CCDC15: variants seen among roughly 807,000 people sequenced by gnomAD.
CCDC15 encodes coiled-coil domain-containing protein 15.
CCDC15 carries 105 observed loss-of-function variants against 114.5 expected under a neutral mutation model. That is an observed-to-expected ratio of 0.92 (90% CI 0.78 to 1.08). The LOEUF is 1.08. Among genes scored for constraint, CCDC15 ranks in the 50% least tolerant of loss-of-function variants. The probability of loss-of-function intolerance (pLI) is 0.00; values close to 1 mark genes in which losing one functional copy is unlikely to be tolerated. For missense variants in CCDC15, 1,105 were observed against 1,093.6 expected (o/e 1.01, Z -0.15); for synonymous variants, 334 against 377.8 (o/e 0.88, Z 1.34).
intron 11 of CCDC15, among the ~76,000 whole-genome samples, chr11:124,996,796 T>G (rs1948379622): frequency 6.6e-6 from 1 of 152,258 alleles, no homozygotes; most frequent in Non-Finnish European, 1.5e-5. Context: ...AGTGAAATCA[T>G]ACAGTATTTG....
chr11:124,964,894 A>G (rs1329094717), intron 4 of CCDC15, among the ~76,000 whole-genome samples: 1 of 152,140 alleles, frequency 6.6e-6, no homozygotes, highest in Non-Finnish European at 1.5e-5. Context: ...ATCTATTGAG[A>G]TAATCATGTG....
chr11:125,016,681 G>A (rs990456425), intron 13 of CCDC15, among the ~76,000 whole-genome samples: 1 of 152,142 alleles, frequency 6.6e-6, no homozygotes, highest in East Asian at 1.9e-4. Context: ...AGGCTAGCAG[G>A]TAAAAGTCAA....
At chr11:124,993,039 C>G (rs1033797966) in intron 10 of CCDC15, 130 bp from the exon 11 acceptor site, 52 of 564,082 alleles carry the variant, frequency 9.2e-5, no homozygotes, top group African/African-American at 8.3e-4. Context: ...AACACACACA[C>G]AGCTTTAACT....
At chr11:124,995,455 A>G (rs771729373) in intron 11 of CCDC15, among the ~76,000 whole-genome samples, 10 of 152,208 alleles carry the variant, frequency 6.6e-5, no homozygotes, top group Admixed American at 1.3e-4. Flanking sequence ...CCATTGTATG[A>G]ACAGCACTTG....
rs144075171 is a variant in CCDC15 at position 124,970,961 on chromosome 11, ATT to A, written c.517-4128_517-4127del. On this transcript the variant is annotated intron_variant, in intron 4 of 15. Coordinates refer to ENST00000344762, the MANE Select transcript of CCDC15 (RefSeq NM_025004.3). Reference sequence around the variant, plus strand: ...TTATGTTTCTGTGTGCAAAATAGACATTTTTTTTGGTGTGCAGAAGACATTGC... The same window carrying A: ...TTATGTTTCTGTGTGCAAAATAGACATTTTTTGGTGTGCAGAAGACATTGC... Among the ~76,000 whole-genome samples, 688 of 152,054 alleles carry A rather than the reference ATT, an allele frequency of 4.5e-3. 5 individuals are homozygous for A. The highest frequency in any genetic ancestry group is 0.016 in the African/African-American group (654 of 41,500).
Position 124,954,713 on chromosome 11 carries a change from C to T in CCDC15, c.-9-11C>T, listed in dbSNP as rs1947516652. 2.5e-6 allele frequency: 4 copies of T among 1,611,878 alleles called. No homozygotes were observed. Among genetic ancestry groups the T allele is most frequent in the Non-Finnish European group, 3.4e-6 (4 of 1,178,632 alleles). On this transcript the variant is annotated splice_polypyrimidine_tract_variant and intron_variant, in intron 1 of 15. Transcript: ENST00000344762. ...TTTGAAGATTTTAAGCTTTTTCTTT[C>T]TCCTAATCAGGAGTCACAGATGCTG...
intron 11 of CCDC15, among the ~76,000 whole-genome samples, chr11:124,995,836 CTTTT>C (rs879919474): frequency 6.9e-6 from 1 of 144,492 alleles, no homozygotes; most frequent in Non-Finnish European, 1.5e-5. Flanking sequence ...GCCTTTTCTC[CTTTT>C]TTTTTTTTGA....
At position 124,993,188 on chromosome 11, in the gene CCDC15, C is replaced by A; in HGVS notation, c.2159C>A (p.Pro720His). 3.1e-6 allele frequency: 5 copies of A among 1,605,990 alleles called. No individual in the cohort carries two copies. The highest frequency in any genetic ancestry group is 3.4e-6 in the Non-Finnish European group (4 of 1,174,676). ...PREQNKHIKL[P>H]SSFEKWEIAR... ...CTTTAGAACAAGCATATCAAACTACCCTCATCTTTTGAGAAATGGGAGATT... is the reference window on the plus strand; with the variant it reads ...CTTTAGAACAAGCATATCAAACTACACTCATCTTTTGAGAAATGGGAGATT... Residue 720 changes from proline (P) to histidine (H), a missense_variant, in exon 11 of 16, where the codon CCC becomes CAC. Coordinates refer to ENST00000344762, the MANE Select transcript of CCDC15 (RefSeq NM_025004.3).
Position 125,000,847 on chromosome 11 carries a change from A to G in CCDC15, c.2215-3020A>G, listed in dbSNP as rs182986900. 3.3e-5 allele frequency among the ~76,000 whole-genome samples: 5 copies of G among 152,316 alleles called. 1 individual carries two copies. Among genetic ancestry groups the G allele is most frequent in the Admixed American group, 2.0e-4 (3 of 15,298 alleles). ...CAGGAAATACTGAATTTTTGCTCCT[A>G]GGGGAGATACCAGGGGTAGATTCCT... On this transcript the variant is annotated intron_variant, in intron 11 of 15. Coordinates refer to ENST00000344762, the MANE Select transcript of CCDC15 (RefSeq NM_025004.3).
chr11:124,957,349 C>T (rs760719572), intron 2 of CCDC15, among the ~76,000 whole-genome samples: 3 of 152,186 alleles, frequency 2.0e-5, no homozygotes, highest in Admixed American at 1.3e-4. Context: ...ACATATCTGA[C>T]GCTTGGCCTA....
intron 4 of CCDC15, 46 bp downstream of exon 4, chr11:124,960,049 TC>T: frequency 7.1e-7 from 1 of 1,412,998 alleles, no homozygotes; most frequent in South Asian, 1.5e-5. Context: ...ATTTTCCCTA[TC>T]CCCTAAACTA....
intron 2 of CCDC15, among the ~76,000 whole-genome samples, 178 bp from the exon 3 acceptor site, chr11:124,958,937 A>G (rs981610912): frequency 1.3e-5 from 2 of 152,204 alleles, no homozygotes; most frequent in African/African-American, 4.8e-5. Flanking sequence ...AGACATCGTT[A>G]GTTCTAATTC....
intron 13 of CCDC15, among the ~76,000 whole-genome samples, chr11:125,024,632 T>C (rs1256772705): frequency 6.6e-6 from 1 of 152,092 alleles, no homozygotes; most frequent in African/African-American, 2.4e-5. Context: ...AAATGCACAG[T>C]TGATTTTTGG....
intron 13 of CCDC15, among the ~76,000 whole-genome samples, chr11:125,028,530 G>GT (rs973290204): frequency 6.6e-6 from 1 of 151,846 alleles, no homozygotes; most frequent in African/African-American, 2.4e-5. Flanking sequence ...GTTTTGTTTT[G>GT]TTTTTTGTTT....
chr11:124,993,098 A>G (rs775227224), intron 10 of CCDC15, 71 bp from the exon 11 acceptor site: 3 of 883,058 alleles, frequency 3.4e-6, no homozygotes, highest in East Asian at 5.2e-5. Flanking sequence ...TTGTCACTGA[A>G]GTCTATAATA....
intron 6 of CCDC15, 42 bp from the exon 7 acceptor site, chr11:124,986,700 T>TGTGTGTGTGTGTGTGTGTGTGC (rs878887902): frequency 4.4e-6 from 6 of 1,352,946 alleles, no homozygotes; most frequent in African/African-American, 1.6e-5. Context: ...TTTGTGTGTG[T>TGTGTGTGTGTGTGTGTGTGTGC]GCGCGCGCGC....
chr11:125,026,619 G>C (rs1948704312), intron 13 of CCDC15, among the ~76,000 whole-genome samples: 1 of 152,090 alleles, frequency 6.6e-6, no homozygotes, highest in Non-Finnish European at 1.5e-5. Flanking sequence ...GCTTCTATTT[G>C]GCTATCTTGC....
At position 125,003,090 on chromosome 11, in the gene CCDC15, C is replaced by CA. The variant is rs200268150; in HGVS notation, c.2215-776dup. Among the ~76,000 whole-genome samples the CA allele has an allele frequency of 5.8e-3, 882 of 151,944 alleles. 6 individuals are homozygous for CA. Among genetic ancestry groups the CA allele is most frequent in the Middle Eastern group, 0.024 (7 of 294 alleles). ...TTTTAAAACAATGTTTTGTATGTTT[C>CA]AGAGTATAAAATTCACACTTCCTCT... On this transcript the variant is annotated intron_variant, in intron 11 of 15. Transcript: ENST00000344762.
chr11:124,985,068 C>T (rs1179545709), intron 6 of CCDC15, among the ~76,000 whole-genome samples: 1 of 152,208 alleles, frequency 6.6e-6, no homozygotes, highest in Non-Finnish European at 1.5e-5. Context: ...TATAGGTTTA[C>T]CTATACTGGA....
Sources: gnomAD v4.1 joint callset for allele counts (sites outside exome capture counted in the v4.1 genomes callset) on GRCh38, gnomAD v4.1.1 for gene constraint, MANE v1.5 for transcripts, NCBI Gene and HGNC (gene_info 2026-07-23, HGNC 2026-07-21) for gene names.